The following SNIP1 variants were observed in gnomAD, a reference collection of about 807,000 sequenced individuals.
SNIP1 encodes the protein Smad nuclear interacting protein 1.
Under a neutral mutation model 37.4 loss-of-function variants are expected in SNIP1, and 23 were observed. The ratio of observed to expected loss-of-function variants is 0.61; its 90% CI spans 0.44 to 0.87. The LOEUF is 0.87. Ranked by LOEUF, SNIP1 falls within the 40% of genes least tolerant of loss-of-function variation. SNIP1 has a pLI of 0.00. For missense variants in SNIP1, 459 were observed against 540.4 expected (o/e 0.85, Z 1.49); for synonymous variants, 174 against 200.0 (o/e 0.87, Z 1.10).
rs1643075555 is a variant in SNIP1 at position 37,535,235 on chromosome 1, T to A, written c.*2513A>T. ...AAAAAAATAAAAAATAAAAATTATA[T>A]ATATAAATTAGCCAGGCTTGGTGAC... On this transcript the variant is annotated 3_prime_UTR_variant, in exon 4 of 4. Transcript: ENST00000296215. 1 of 83,862 alleles carries A rather than the reference T, an allele frequency of 1.2e-5. No individual in the cohort carries two copies. Among genetic ancestry groups the A allele is most frequent in the Non-Finnish European group, 2.4e-5 (1 of 41,724 alleles). 5.2% of individuals were successfully genotyped at this position (83,862 alleles called of 1,614,324 possible).
chr1:37,545,454 T>A (rs1268568031), intron 2 of SNIP1, among the ~76,000 whole-genome samples: 3 of 138,358 alleles, frequency 2.2e-5, no homozygotes, highest in Non-Finnish European at 4.7e-5. Flanking sequence ...AGAAATTTGG[T>A]ACCCCCCGCC....
intron 2 of SNIP1, chr1:37,548,739 A>G (rs1006083313): frequency 1.3e-5 from 2 of 150,136 alleles, no homozygotes; most frequent in African/African-American, 4.9e-5. Context: ...GTCTCAAAAA[A>G]AAAAGAAAAA....
chr1:37,537,739 C>G lies in SNIP1; in HGVS notation c.*9G>C. On this transcript the variant is annotated 3_prime_UTR_variant, in exon 4 of 4. Coordinates refer to ENST00000296215, the MANE Select transcript of SNIP1 (RefSeq NM_024700.4). Reference sequence around the variant, plus strand: ...AAACCGTGTATCAATAGTTTGGGTTCTTAGTTTGCTAGCTGTCAGACACTT... The same window carrying G: ...AAACCGTGTATCAATAGTTTGGGTTGTTAGTTTGCTAGCTGTCAGACACTT... The G allele has an allele frequency of 6.2e-7, 1 of 1,609,002 alleles. No homozygotes were observed. Among genetic ancestry groups the G allele is most frequent in the Non-Finnish European group, 8.5e-7 (1 of 1,177,420 alleles).
In SNIP1 at chr1:37,537,974, C is replaced by T. The variant is rs761477965; in HGVS notation, c.965G>A (p.Arg322Gln). 9.9e-6 allele frequency: 16 copies of T among 1,613,790 alleles called. No homozygotes were observed. Among genetic ancestry groups the T allele is most frequent in the Non-Finnish European group, 1.2e-5 (14 of 1,179,872 alleles). The change falls in exon 4 of 4, where the codon CGA becomes CAA. Residue 322 changes from arginine (R) to glutamine (Q), a missense_variant. Physicochemically the swap from Arg to Gln is conservative, Grantham distance 43. Transcript: ENST00000296215. The stretch of plus-strand genomic sequence containing the variant: ...GTCAATGATGTAGGGCTTCACTCTT[C>T]GGCCAACTGTGCCATCAGCACGGGT... Reference protein sequence around the residue: ...EYTRADGTVGRRVKPYIIDLG... With the variant: ...EYTRADGTVGQRVKPYIIDLG...
At position 37,540,736 on chromosome 1, in the gene SNIP1, C is replaced by T. The variant is rs80144754; in HGVS notation, c.347G>A (p.Arg116Gln). 3.3e-4 allele frequency: 531 copies of T among 1,602,228 alleles called. 2 individuals are homozygous for T. The African/African-American group carries it at 6.2e-3, about 19-fold the overall frequency. Residue 116 changes from arginine (R) to glutamine (Q), a missense_variant, in exon 3 of 4, where the codon CGG (arginine) becomes CAG (glutamine). Transcript: ENST00000296215. The surrounding 1 kb of genome is among the most constrained non-coding windows in gnomAD (Gnocchi z 5.6). ...KVKQEREDHP[R>Q]RGREDRQHRE... ...GTGCTGCCGATCCTCCCGTCCTCTC[C>T]GGGGATGATCCTCACGCTCCTAAAA...
chr1:37,554,083 G>A lies in SNIP1; in HGVS notation c.147C>T (p.Ser49=). 4 of 1,607,584 alleles carry A rather than the reference G, an allele frequency of 2.5e-6. No individual in the cohort carries two copies. Among genetic ancestry groups the A allele is most frequent in the African/African-American group, 1.3e-5 (1 of 74,914 alleles). The change falls in exon 1 of 4, where the codon TCC becomes TCT. Residue 49 remains serine, a synonymous_variant. Coordinates refer to ENST00000296215, the MANE Select transcript of SNIP1 (RefSeq NM_024700.4). ...TGGTCGGCGGAGACGGGCTACCACC[G>A]GAGTGGTCCGGACGGCGGTGGGCGG... ...APPAHRRPDH[S]GGSPSPPTSE...
Position 37,537,835 on chromosome 1 carries a change from G to C in SNIP1, c.1104C>G (p.Val368=). ...AAGTGTCCGACGACTCATGGAGCAAGACGTATTCTCTGCTACTGAATCCAA... is the reference window on the plus strand; with the variant it reads ...AAGTGTCCGACGACTCATGGAGCAACACGTATTCTCTGCTACTGAATCCAA... The part of the protein sequence containing the change: ...LKFGFSSREY[V]LLHESSDTSE... Residue 368 remains valine, a synonymous_variant, in exon 4 of 4, where the codon GTC becomes GTG. Transcript: ENST00000296215. 12 of 1,614,182 alleles carry C rather than the reference G, an allele frequency of 7.4e-6. No homozygotes were observed. The highest frequency in any genetic ancestry group is 1.0e-5 in the Non-Finnish European group (12 of 1,180,024).
Position 37,540,171 on chromosome 1 carries a change from C to T in SNIP1, c.912G>A (p.Ala304=), listed in dbSNP as rs770384693. 6.3e-6 allele frequency: 10 copies of T among 1,585,810 alleles called. No individual in the cohort carries two copies. The highest frequency in any genetic ancestry group is 4.5e-5 in the East Asian group (2 of 44,260). Residue 304 remains alanine (A), a synonymous_variant, in exon 3 of 4, where the codon GCG becomes GCA. Transcript: ENST00000296215. The surrounding 1 kb of genome is among the most constrained non-coding windows in gnomAD (Gnocchi z 5.6). ...IDHPSCSKQH[A]VFQYRLVEYT... Reference sequence around the variant, plus strand: ...ATGTTACTTACCGATATTGAAAGACCGCATGCTGCTTTGAACAAGACGGGT... The same window carrying T: ...ATGTTACTTACCGATATTGAAAGACTGCATGCTGCTTTGAACAAGACGGGT...
chr1:37,537,543 A>C lies in SNIP1; in HGVS notation c.*205T>G, dbSNP rs991241477. 7 of 552,654 alleles carry C rather than the reference A, an allele frequency of 1.3e-5. No individual in the cohort carries two copies. The highest frequency in any genetic ancestry group is 3.6e-5 in the Admixed American group (1 of 27,774). 34.2% of individuals were successfully genotyped at this position (552,654 alleles called of 1,614,324 possible). A position where few individuals can be genotyped will look rare whatever the true frequency, so the allele number is the denominator to read the frequency against. ...ACAAATGCCTGCAGGCATGTGGCCA[A>C]GGTGCCACAGAAAAAGTTTAACAAA... On this transcript the variant is annotated 3_prime_UTR_variant, in exon 4 of 4. Coordinates refer to ENST00000296215, the MANE Select transcript of SNIP1 (RefSeq NM_024700.4).
chr1:37,551,074 GACACACACACACACACAC>G (rs55724495), intron 2 of SNIP1, among the ~76,000 whole-genome samples: 3 of 144,012 alleles, frequency 2.1e-5, no homozygotes, highest in Admixed American at 7.0e-5. Context: ...CAGCCTGGGT[GACACACACACACACACAC>G]ACACACACAC....
intron 2 of SNIP1, among the ~76,000 whole-genome samples, chr1:37,547,496 G>T (rs1643254457): frequency 6.6e-6 from 1 of 152,154 alleles, no homozygotes; most frequent in South Asian, 2.1e-4. Flanking sequence ...CACTTTGGGA[G>T]GCTGAGGCAG....
rs1049876533 is a variant in SNIP1 at position 37,540,819 on chromosome 1, G to A, written c.328-64C>T. ...ACAATCTAAAGGCAGCCCAAATCTT[G>A]TTCTTTTTGAACGAAGTGCATGCAA... is the stretch of plus-strand genomic sequence containing the variant. On this transcript the variant is annotated intron_variant, in intron 2 of 3. Coordinates refer to ENST00000296215, the MANE Select transcript of SNIP1 (RefSeq NM_024700.4). The surrounding 1 kb of genome is among the most constrained non-coding windows in gnomAD (Gnocchi z 5.6). 1 of 1,451,924 alleles carries A rather than the reference G, an allele frequency of 6.9e-7. No homozygotes were observed. Among genetic ancestry groups the A allele is most frequent in the Non-Finnish European group, 9.2e-7 (1 of 1,091,554 alleles). The allele number at this position is 1,451,924 out of a possible 1,614,324, so 89.9% of individuals were successfully genotyped here. A position where few individuals can be genotyped will look rare whatever the true frequency, so the allele number is the denominator to read the frequency against.
chr1:37,536,234 G>A lies in SNIP1; in HGVS notation c.*1514C>T, dbSNP rs559715080. ...CCCACTAGCCAATCTTTAGCCCTGA[G>A]CACACATGGGTATAAAAACAATGGA... On this transcript the variant is annotated 3_prime_UTR_variant, in exon 4 of 4. Transcript: ENST00000296215. 2 of 152,280 alleles carry A rather than the reference G, an allele frequency of 1.3e-5. No homozygotes were observed. Among genetic ancestry groups the A allele is most frequent in the South Asian group, 2.1e-4 (1 of 4,830 alleles). The allele number at this position is 152,280 out of a possible 1,614,324, so 9.4% of individuals were successfully genotyped here.
chr1:37,552,593 G>A (rs996325007), intron 2 of SNIP1, 52 bp downstream of exon 2: 3 of 1,412,592 alleles, frequency 2.1e-6, no homozygotes, highest in Non-Finnish European at 3.0e-6. Flanking sequence ...CTTTAGCTGT[G>A]ATAGGAAAAG....
chr1:37,545,382 C>G (rs749122141), intron 2 of SNIP1: 6 of 478,610 alleles, frequency 1.3e-5, no homozygotes, highest in Non-Finnish European at 2.4e-5. Flanking sequence ...GTCTCCTTTA[C>G]CTTTTCTATA....
intron 1 of SNIP1, 66 bp from the exon 2 acceptor site, chr1:37,552,813 G>A (rs931149982): frequency 7.6e-7 from 1 of 1,312,624 alleles, no homozygotes; most frequent in Non-Finnish European, 1.1e-6. Flanking sequence ...TTAGCTTCCA[G>A]TATCAGGCTT....
At chr1:37,539,380 G>C (rs973601359) in intron 3 of SNIP1, among the ~76,000 whole-genome samples, 1 of 152,072 alleles carries the variant, frequency 6.6e-6, no homozygotes, top group Non-Finnish European at 1.5e-5. Flanking sequence ...ATACAAATAC[G>C]TGTCCATTCG....
intron 2 of SNIP1, among the ~76,000 whole-genome samples, chr1:37,549,933 C>T (rs1392134528): frequency 1.3e-5 from 2 of 152,044 alleles, no homozygotes; most frequent in Non-Finnish European, 2.9e-5. Context: ...GAAATAGACC[C>T]ACACAAATAT....
Position 37,537,901 on chromosome 1 carries a change from T to C in SNIP1, c.1038A>G (p.Pro346=). 1.2e-6 allele frequency: 2 copies of C among 1,614,222 alleles called. No individual in the cohort carries two copies. Among genetic ancestry groups the C allele is most frequent in the Non-Finnish European group, 8.5e-7 (1 of 1,180,032 alleles). The change falls in exon 4 of 4, where the codon CCA becomes CCG. Residue 346 remains proline (P), a synonymous_variant. Transcript: ENST00000296215. ...TTTCTTTTAGTTCATAGTATCTCTG[T>C]GGCTCAATACGTTTGTTGTTTAAGA... ...GTFLNNKRIE[P]QRYYELKEKD...
Sources: allele counts gnomAD v4.1 joint callset (sites outside exome capture counted in the v4.1 genomes callset), GRCh38; gene constraint gnomAD v4.1.1; non-coding constraint Gnocchi (gnomAD v3.1); transcripts MANE v1.5; gene names NCBI Gene and HGNC (gene_info 2026-07-23, HGNC 2026-07-21).